KAT7: variants seen among roughly 807,000 people sequenced by gnomAD.
KAT7 encodes lysine acetyltransferase 7.
A neutral mutation model predicts 82.1 loss-of-function variants in KAT7; 10 were observed. The ratio of observed to expected loss-of-function variants is 0.12; its 90% CI spans 0.08 to 0.21. The LOEUF (loss-of-function observed/expected upper bound fraction) is 0.21, where lower values mean the gene tolerates loss of function less well. Among genes scored for constraint, KAT7 ranks in the 10% least tolerant of loss-of-function variants. The pLI, the probability that KAT7 is intolerant of heterozygous loss-of-function variation, is 1.00. For missense variants in KAT7, 378 were observed against 760.9 expected (o/e 0.50, Z 5.92); for synonymous variants, 250 against 262.5 (o/e 0.95, Z 0.46).
chr17:49,813,705 C>T (rs577539989), intron 7 of KAT7, among the ~76,000 whole-genome samples: 13 of 152,226 alleles, frequency 8.5e-5, no homozygotes, highest in African/African-American at 3.1e-4. Context: ...TATAAGTAAT[C>T]TAGAGATGAC....
In KAT7 at chr17:49,828,324, G is replaced by A. The variant is rs2074391980; in HGVS notation, c.*822G>A. The A allele has an allele frequency of 6.6e-6, 1 of 152,082 alleles. No individual in the cohort carries two copies. Among genetic ancestry groups the A allele is most frequent in the African/African-American group, 2.4e-5 (1 of 41,384 alleles). The allele number at this position is 152,082 out of a possible 1,614,324, so 9.4% of individuals were successfully genotyped here. A position where few individuals can be genotyped will look rare whatever the true frequency, so the allele number is the denominator to read the frequency against. On this transcript the variant is annotated 3_prime_UTR_variant, in exon 15 of 15. Coordinates refer to ENST00000259021, the MANE Select transcript of KAT7 (RefSeq NM_007067.5). ...TTACTCCCACTTTTTACGTTTGCAG[G>A]TGCCAAAGTAATGTCCACTTTTCCC...
intron 12 of KAT7, among the ~76,000 whole-genome samples, chr17:49,824,071 A>G (rs999873998): frequency 5.9e-5 from 9 of 152,216 alleles, no homozygotes; most frequent in African/African-American, 2.2e-4. Context: ...TCAACAGTGT[A>G]TATTAAATAA....
intron 5 of KAT7, among the ~76,000 whole-genome samples, chr17:49,806,693 G>A (rs1354793306): frequency 6.6e-6 from 1 of 152,138 alleles, no homozygotes; most frequent in East Asian, 1.9e-4. Context: ...GATGTCTTTT[G>A]CTTTTGAAAT....
intron 13 of KAT7, 26 bp downstream of exon 13, chr17:49,826,172 T>C (rs2074366473): frequency 6.2e-7 from 1 of 1,606,248 alleles, no homozygotes; most frequent in East Asian, 2.2e-5. Context: ...CTTGGAATGG[T>C]TGATTGTTAC....
At chr17:49,825,937 GT>G in intron 12 of KAT7, 62 bp from the exon 13 acceptor site, 1 of 1,532,782 alleles carries the variant, frequency 6.5e-7, no homozygotes, top group South Asian at 1.2e-5. Context: ...TTGGCACACA[GT>G]TTTTTGCTAT....
In KAT7 at chr17:49,833,973, CTG is replaced by C. The variant is rs1208272396; in HGVS notation, c.*6473_*6474del. On this transcript the variant is annotated 3_prime_UTR_variant, in exon 15 of 15. Transcript: ENST00000259021. ...CCACCTTGTGCAATTCCAGGGGACA[CTG>C]TTTATGTTCCGTGTAAATGGCAGCC... 6.6e-6 allele frequency: 1 copy of C among 152,166 alleles called. No homozygotes were observed. Among genetic ancestry groups the C allele is most frequent in the Non-Finnish European group, 1.5e-5 (1 of 68,036 alleles). The allele number at this position is 152,166 out of a possible 1,614,324, so 9.4% of individuals were successfully genotyped here.
intron 7 of KAT7, chr17:49,815,123 T>G (rs547693999): frequency 6.6e-6 from 1 of 152,348 alleles, no homozygotes; most frequent in South Asian, 2.1e-4. Flanking sequence ...TGCTTTTAAT[T>G]TTCTATGGCT....
At chr17:49,801,706 T>C (rs1161686642) in intron 4 of KAT7, among the ~76,000 whole-genome samples, 1 of 152,088 alleles carries the variant, frequency 6.6e-6, no homozygotes, top group Non-Finnish European at 1.5e-5. Context: ...CCCAGGCTGG[T>C]CTTGAACTCC....
intron 1 of KAT7, among the ~76,000 whole-genome samples, chr17:49,790,654 C>G (rs1467653554): frequency 2.0e-5 from 3 of 152,168 alleles, no homozygotes; most frequent in Non-Finnish European, 4.4e-5. Flanking sequence ...CTTAATCTGT[C>G]CTGAGGCTAC....
intron 7 of KAT7, among the ~76,000 whole-genome samples, chr17:49,813,720 A>G (rs1161823781): frequency 6.6e-6 from 1 of 152,224 alleles, no homozygotes; most frequent in Non-Finnish European, 1.5e-5. Context: ...GATGACTTAA[A>G]GTATACTGCT....
At chr17:49,825,365 T>C (rs921346834) in intron 12 of KAT7, among the ~76,000 whole-genome samples, 1 of 152,222 alleles carries the variant, frequency 6.6e-6, no homozygotes, top group African/African-American at 2.4e-5. Context: ...TGAAGTGGCT[T>C]CACATTTTTG....
At chr17:49,816,502 G>A (rs190965186) in intron 8 of KAT7, among the ~76,000 whole-genome samples, 41 of 152,266 alleles carry the variant, frequency 2.7e-4, no homozygotes, top group African/African-American at 9.1e-4. Context: ...TCTGGTGATT[G>A]AGTTTACCTC....
intron 9 of KAT7, among the ~76,000 whole-genome samples, chr17:49,820,872 T>G (rs2074295806): frequency 6.6e-6 from 1 of 151,820 alleles, no homozygotes; most frequent in African/African-American, 2.4e-5. Context: ...TTTTTATCAT[T>G]GTGAGTGGGT....
At chr17:49,800,559 C>G (rs1437693156) in intron 4 of KAT7, among the ~76,000 whole-genome samples, 5 of 152,082 alleles carry the variant, frequency 3.3e-5, no homozygotes, top group Non-Finnish European at 7.4e-5. Flanking sequence ...AGGAATTTTC[C>G]TCTGCTTCTG....
intron 12 of KAT7, among the ~76,000 whole-genome samples, chr17:49,825,215 A>C (rs1443137925): frequency 6.6e-6 from 1 of 152,218 alleles, no homozygotes; most frequent in Non-Finnish European, 1.5e-5. Context: ...TTTTGTATAA[A>C]TTGAATGTTA....
At position 49,811,696 on chromosome 17, in the gene KAT7, T is replaced by C. The variant is rs548757964; in HGVS notation, c.852+122T>C. On this transcript the variant is annotated intron_variant, in intron 7 of 14. Transcript: ENST00000259021. Reference sequence around the variant, plus strand: ...GTATTCTCCACATGTGAATACCAATTGACTCTTCTATGGCACTTAGAGTTT... The same window carrying C: ...GTATTCTCCACATGTGAATACCAATCGACTCTTCTATGGCACTTAGAGTTT... 3.0e-4 allele frequency: 129 copies of C among 433,326 alleles called. 2 individuals are homozygous for C. In the South Asian group the frequency reaches 0.01, roughly 35 times the overall value. 26.8% of individuals were successfully genotyped at this position (433,326 alleles called of 1,614,324 possible). A position where few individuals can be genotyped will look rare whatever the true frequency, so the allele number is the denominator to read the frequency against.
intron 12 of KAT7, 36 bp downstream of exon 12, chr17:49,823,331 C>T (rs1249328872): frequency 9.1e-7 from 1 of 1,094,758 alleles, no homozygotes; most frequent in Non-Finnish European, 1.4e-6. Context: ...TTCCACAAGG[C>T]AGGGACCATG....
chr17:49,825,788 C>T (rs1447608438), intron 12 of KAT7, among the ~76,000 whole-genome samples: 1 of 152,192 alleles, frequency 6.6e-6, no homozygotes, highest in Non-Finnish European at 1.5e-5. Context: ...AGAGGGGACT[C>T]CTGTGTCATG....
In KAT7 at chr17:49,809,308, T is replaced by C. The variant is rs1598070264; in HGVS notation, c.753+100T>C. Reference sequence around the variant, plus strand: ...AGGCATGTCTGTGCCTCATTTCCTGTGGTATATCTTCCAGATGTAAACTTA... The same window carrying C: ...AGGCATGTCTGTGCCTCATTTCCTGCGGTATATCTTCCAGATGTAAACTTA... On this transcript the variant is annotated intron_variant, in intron 6 of 14. Coordinates refer to ENST00000259021, the MANE Select transcript of KAT7 (RefSeq NM_007067.5). The C allele has an allele frequency of 7.6e-6, 6 of 786,208 alleles. No individual in the cohort carries two copies. The East Asian group carries it at 1.0e-4, about 13-fold the overall frequency. 48.7% of individuals were successfully genotyped at this position (786,208 alleles called of 1,614,324 possible).
Sources: gnomAD v4.1 joint callset for allele counts (sites outside exome capture counted in the v4.1 genomes callset) on GRCh38, gnomAD v4.1.1 for gene constraint, MANE v1.5 for transcripts, NCBI Gene and HGNC (gene_info 2026-07-23, HGNC 2026-07-21) for gene names.